ZEB2: variants seen among roughly 807,000 people sequenced by gnomAD.
ZEB2 encodes the protein zinc finger E-box-binding homeobox 2.
ZEB2 carries 6 observed loss-of-function variants against 99.9 expected under a neutral mutation model. That is an observed-to-expected ratio of 0.06 (90% confidence interval 0.03 to 0.12). The LOEUF (loss-of-function observed/expected upper bound fraction) is 0.12, where lower values mean the gene tolerates loss of function less well. ZEB2 is among the 10% of genes least tolerant of loss of function. The probability of loss-of-function intolerance (pLI) is 1.00; values close to 1 mark genes in which losing one functional copy is unlikely to be tolerated. For missense variants in ZEB2, 969 were observed against 1,502.8 expected (o/e 0.64, Z 5.87); for synonymous variants, 517 against 542.5 (o/e 0.95, Z 0.65).
chr2:144,432,785 C>T (rs1212671612), intron 2 of ZEB2, among the ~76,000 whole-genome samples: 3 of 152,138 alleles, frequency 2.0e-5, no homozygotes, highest in African/African-American at 7.2e-5. Flanking sequence ...TGCCCACCAT[C>T]ATCACCACTG....
At chr2:144,464,473 C>T (rs1704243573) in intron 2 of ZEB2, 1 of 152,168 alleles carries the variant, frequency 6.6e-6, no homozygotes, top group South Asian at 2.1e-4. Flanking sequence ...GATAACATAG[C>T]TGGGCTTTAC....
chr2:144,512,235 G>A, intron 2 of ZEB2: 4 of 1,287,158 alleles, frequency 3.1e-6, no homozygotes, highest in Non-Finnish European at 4.0e-6. Flanking sequence ...GGGAAGCCAC[G>A]GTGCTGAGAG....
chr2:144,404,626 G>T lies in ZEB2; in HGVS notation c.592+210C>A, dbSNP rs1007496750. 4.6e-5 allele frequency among the ~76,000 whole-genome samples: 7 copies of T among 152,230 alleles called. No individual in the cohort carries two copies. In the Middle Eastern group the frequency reaches 0.01, roughly 222 times the overall value. On this transcript the variant is annotated intron_variant, in intron 5 of 9. Coordinates refer to ENST00000627532, the MANE Select transcript of ZEB2 (RefSeq NM_014795.4). ...TTAGAAATGGGCTCTAATTGTTCTT[G>T]TTCTTTATTGGATGTACAAATGACA...
intron 3 of ZEB2, chr2:144,428,179 A>G (rs2149890429): frequency 6.6e-6 from 1 of 152,318 alleles, no homozygotes; most frequent in South Asian, 2.1e-4. Context: ...AAGCATCAGA[A>G]CATTCATTCT....
At chr2:144,411,950 T>A (rs1259955276) in intron 4 of ZEB2, among the ~76,000 whole-genome samples, 1 of 152,218 alleles carries the variant, frequency 6.6e-6, no homozygotes, top group Non-Finnish European at 1.5e-5. Context: ...TGGCACAGAA[T>A]GATAGAGTCC....
rs375945280 is a variant in ZEB2, at chr2:144,439,365, C to G, written c.74-9339G>C. Among the ~76,000 whole-genome samples, 33 of 152,324 alleles carry G rather than the reference C, an allele frequency of 2.2e-4. 1 individual carries two copies. In the East Asian group the frequency reaches 4.8e-3, roughly 22 times the overall value. The stretch of plus-strand genomic sequence containing the variant: ...AAAGGGGTAGAAAAGATCTTTTGCT[C>G]ATTGCCCAGGTGAGACGGCCTGGTG... On this transcript the variant is annotated intron_variant, in intron 2 of 9. Coordinates refer to ENST00000627532, the MANE Select transcript of ZEB2 (RefSeq NM_014795.4).
intron 2 of ZEB2, among the ~76,000 whole-genome samples, chr2:144,465,737 C>A (rs1349540860): frequency 1.3e-5 from 2 of 152,120 alleles, no homozygotes; most frequent in Non-Finnish European, 2.9e-5. Flanking sequence ...ACACAACTTG[C>A]ATGCATTCTA....
At chr2:144,432,401 CT>C (rs1323445847) in intron 2 of ZEB2, among the ~76,000 whole-genome samples, 4 of 152,168 alleles carry the variant, frequency 2.6e-5, no homozygotes, top group South Asian at 4.1e-4. Context: ...TGCCATTATG[CT>C]GGTGTGCCAC....
intron 7 of ZEB2, 52 bp from the exon 8 acceptor site, chr2:144,400,322 G>T: frequency 6.3e-7 from 1 of 1,575,110 alleles, no homozygotes; most frequent in Non-Finnish European, 8.6e-7. Context: ...GATAACAATT[G>T]CAATTGTCTA....
chr2:144,405,179 T>A (rs1703370453), intron 4 of ZEB2, 155 bp from the exon 5 acceptor site: 3 of 786,476 alleles, frequency 3.8e-6, no homozygotes, highest in Non-Finnish European at 6.3e-6. Flanking sequence ...GATTATTGAC[T>A]GAATGCTTAT....
intron 2 of ZEB2, among the ~76,000 whole-genome samples, chr2:144,442,168 A>G (rs375406726): frequency 9.8e-5 from 15 of 152,288 alleles, no homozygotes; most frequent in Middle Eastern, 3.4e-3. Context: ...TTCATACATG[A>G]CTATAAAGTT....
At chr2:144,511,635 A>G in intron 2 of ZEB2, 1 of 1,286,866 alleles carries the variant, frequency 7.8e-7, no homozygotes, top group Non-Finnish European at 1.0e-6. Flanking sequence ...TAGATTTTCC[A>G]AGTGGTAAGC....
At chr2:144,487,529 A>C (rs1247435876) in intron 2 of ZEB2, among the ~76,000 whole-genome samples, 3 of 152,188 alleles carry the variant, frequency 2.0e-5, no homozygotes, top group Non-Finnish European at 4.4e-5. Context: ...GGAATAGAAG[A>C]TACAAACTTA....
intron 4 of ZEB2, among the ~76,000 whole-genome samples, chr2:144,416,353 A>G (rs1703540145): frequency 6.6e-6 from 1 of 152,208 alleles, no homozygotes; most frequent in African/African-American, 2.4e-5. Context: ...TCTTAAAAAA[A>G]TCTTAAATAA....
intron 2 of ZEB2, chr2:144,515,987 C>G (rs1316206931): frequency 6.6e-6 from 1 of 152,156 alleles, no homozygotes; most frequent in Non-Finnish European, 1.5e-5. Context: ...CAAGTGGGCC[C>G]GGGCGGTCCC....
intron 3 of ZEB2, chr2:144,428,808 C>T (rs1212028512): frequency 6.6e-6 from 1 of 152,132 alleles, no homozygotes; most frequent in Non-Finnish European, 1.5e-5. Flanking sequence ...TTCCCAGCCA[C>T]TTCACCTATT....
chr2:144,483,434 T>C (rs948721754), intron 2 of ZEB2, among the ~76,000 whole-genome samples: 2 of 152,212 alleles, frequency 1.3e-5, no homozygotes, highest in Non-Finnish European at 1.5e-5. Flanking sequence ...GAGTCGCAAA[T>C]GTTACCTTTT....
intron 9 of ZEB2, among the ~76,000 whole-genome samples, chr2:144,393,101 C>A (rs186676851): frequency 6.6e-6 from 1 of 152,154 alleles, no homozygotes. Flanking sequence ...TTTTAGAATA[C>A]AAATGAGTTC....
At chr2:144,483,245 T>C (rs1490045508) in intron 2 of ZEB2, among the ~76,000 whole-genome samples, 1 of 152,032 alleles carries the variant, frequency 6.6e-6, no homozygotes, top group Non-Finnish European at 1.5e-5. Flanking sequence ...GAATCCCGGC[T>C]CTTTTTCACA....
Sources: allele counts gnomAD v4.1 joint callset (sites outside exome capture counted in the v4.1 genomes callset), GRCh38; gene constraint gnomAD v4.1.1; transcripts MANE v1.5; gene names NCBI Gene and HGNC (gene_info 2026-07-23, HGNC 2026-07-21).